Variants in DGKB observed in about 807,000 individuals in gnomAD.
The protein encoded by DGKB is 90 kDa diacylglycerol kinase.
In DGKB, 67 loss-of-function variants were observed where a neutral mutation model predicts 114.3. The ratio of observed to expected loss-of-function variants is 0.59; its 90% CI spans 0.48 to 0.72. The LOEUF is 0.72. Ranked by LOEUF, DGKB falls within the 30% of genes least tolerant of loss-of-function variation. The pLI, the probability that DGKB is intolerant of heterozygous loss-of-function variation, is 0.00. For synonymous variants in DGKB, 398 were observed against 323.1 expected, an observed-to-expected ratio of 1.23 and a Z score of -2.49; for missense variants, 907 against 975.2, an observed-to-expected ratio of 0.93 and a Z score of 0.93.
chr7:14,933,680 G>T (rs1478964260), intron 1 of DGKB, among the ~76,000 whole-genome samples: 1 of 151,942 alleles, frequency 6.6e-6, no homozygotes, highest in African/African-American at 2.4e-5. Flanking sequence ...AGCAACTAAG[G>T]TCTTATTAAT....
At chr7:14,602,622 G>C (rs1488282737) in intron 17 of DGKB, among the ~76,000 whole-genome samples, 1 of 152,114 alleles carries the variant, frequency 6.6e-6, no homozygotes, top group Non-Finnish European at 1.5e-5. Context: ...CTCTCCAGAG[G>C]ATACAGCAAG....
intron 21 of DGKB, among the ~76,000 whole-genome samples, chr7:14,375,867 CA>C (rs1465371445): frequency 6.6e-6 from 1 of 152,166 alleles, no homozygotes; most frequent in Non-Finnish European, 1.5e-5. Flanking sequence ...GTGAGTTCAC[CA>C]TAAACATTTG....
chr7:14,594,891 A>T (rs565574953), intron 17 of DGKB, among the ~76,000 whole-genome samples: 4 of 152,246 alleles, frequency 2.6e-5, no homozygotes, highest in African/African-American at 9.6e-5. Flanking sequence ...CTATCCACTT[A>T]TTTAATTTAA....
chr7:14,833,954 T>A (rs148717790), intron 2 of DGKB, among the ~76,000 whole-genome samples: 367 of 152,302 alleles, frequency 2.4e-3, no homozygotes, highest in Non-Finnish European at 3.9e-3. Context: ...CATTGCTTTG[T>A]CATCATTTGC....
chr7:14,161,484 TA>T (rs1461343986), intron 25 of DGKB, among the ~76,000 whole-genome samples: 1 of 151,556 alleles, frequency 6.6e-6, no homozygotes, highest in Middle Eastern at 3.2e-3. Context: ...TATGCAGCCA[TA>T]AAAAAGGATG....
At position 14,738,351 on chromosome 7, in the gene DGKB, T is replaced by A. The variant is rs144339175; in HGVS notation, c.169-2157A>T. On this transcript the variant is annotated intron_variant, in intron 4 of 25. Transcript: ENST00000402815. ...CTTCCTTCTGTTCCTAGGTCTTCCA[T>A]AATCAGTATTTTGTTTAGCAACATA... is the stretch of plus-strand genomic sequence containing the variant. Among the ~76,000 whole-genome samples the A allele has an allele frequency of 3.7e-3, 557 of 152,324 alleles. 5 individuals carry two copies. The highest frequency in any genetic ancestry group is 0.013 in the African/African-American group (547 of 41,582).
chr7:14,748,303 T>C (rs1833650012), intron 4 of DGKB, among the ~76,000 whole-genome samples: 1 of 152,138 alleles, frequency 6.6e-6, no homozygotes, highest in Admixed American at 6.5e-5. Context: ...TATTAAATGC[T>C]ATAGAAAAAA....
rs7786885 is a variant in DGKB, at chr7:14,973,527, G to C, written c.-188+1169C>G. ...TGTTTTGTTTGTTTTTTGTTTTTTT[G>C]TTTTTTTTTTCTTTTTTTTTTCTTT... On this transcript the variant is annotated intron_variant, in intron 1 of 4. Transcript: ENST00000437998. 7.9e-3 allele frequency among the ~76,000 whole-genome samples: 1,084 copies of C among 137,308 alleles called. 15 individuals are homozygous for C. Among genetic ancestry groups the C allele is most frequent in the African/African-American group, 0.027 (1,015 of 37,304 alleles). 90.1% of individuals were successfully genotyped at this position (137,308 alleles called of 152,430 possible).
chr7:14,750,481 A>T (rs927061759), intron 4 of DGKB, among the ~76,000 whole-genome samples: 15 of 152,066 alleles, frequency 9.9e-5, no homozygotes, highest in Non-Finnish European at 2.1e-4. Flanking sequence ...TATACCTGAA[A>T]TGTGTTCAAA....
Position 14,797,796 on chromosome 7 carries a change from G to A in DGKB, c.71-40065C>T, listed in dbSNP as rs77382375. ...CATTGTTTGGTGAGTGGGAGGGAGTGGTGCTCAGTGGCTCCTTCTCCTGTT... is the reference window on the plus strand; with the variant it reads ...CATTGTTTGGTGAGTGGGAGGGAGTAGTGCTCAGTGGCTCCTTCTCCTGTT... On this transcript the variant is annotated intron_variant, in intron 2 of 25. Coordinates refer to ENST00000402815, the MANE Select transcript of DGKB (RefSeq NM_001350709.2). Among the ~76,000 whole-genome samples, 955 of 152,172 alleles carry A rather than the reference G, an allele frequency of 6.3e-3. 3 individuals carry two copies. Among genetic ancestry groups the A allele is most frequent in the African/African-American group, 0.022 (915 of 41,520 alleles).
intron 1 of DGKB, among the ~76,000 whole-genome samples, chr7:14,942,747 C>G (rs1402834274): frequency 6.6e-6 from 1 of 152,004 alleles, no homozygotes; most frequent in African/African-American, 2.4e-5. Flanking sequence ...TTGCATGACT[C>G]AATTCCTTAT....
chr7:14,947,414 T>C (rs1435610957), intron 1 of DGKB, among the ~76,000 whole-genome samples: 1 of 151,800 alleles, frequency 6.6e-6, no homozygotes, highest in Non-Finnish European at 1.5e-5. Flanking sequence ...AAACTTTTAC[T>C]TTAAAAGATT....
At chr7:14,208,392 G>T (rs1308622214) in intron 23 of DGKB, among the ~76,000 whole-genome samples, 1 of 151,988 alleles carries the variant, frequency 6.6e-6, no homozygotes, top group Non-Finnish European at 1.5e-5. Flanking sequence ...ACCAGTCTAG[G>T]ATAAAGAAGT....
At chr7:14,630,289 A>T in intron 13 of DGKB, 21 bp from the exon 14 acceptor site, 1 of 1,544,884 alleles carries the variant, frequency 6.5e-7, no homozygotes, top group South Asian at 1.2e-5. Flanking sequence ...AGAGAAGTTC[A>T]TATGAAAGCT....
At chr7:14,845,431 T>C (rs767963950) in intron 1 of DGKB, among the ~76,000 whole-genome samples, 2 of 152,352 alleles carry the variant, frequency 1.3e-5, no homozygotes, top group Non-Finnish European at 2.9e-5. Flanking sequence ...TTTTGAGCCC[T>C]GATGGAATTT....
At chr7:14,823,475 A>AT (rs1044243928) in intron 2 of DGKB, among the ~76,000 whole-genome samples, 13 of 152,062 alleles carry the variant, frequency 8.5e-5, no homozygotes, top group Non-Finnish European at 1.6e-4. Context: ...AGAATTTCAG[A>AT]TTTTTTTTGC....
intron 21 of DGKB, among the ~76,000 whole-genome samples, chr7:14,362,759 T>C (rs1815982205): frequency 6.6e-6 from 1 of 152,118 alleles, no homozygotes; most frequent in Admixed American, 6.6e-5. Flanking sequence ...TTGTATTGTA[T>C]TACATGCATA....
At chr7:14,463,669 T>C (rs1833414311) in intron 21 of DGKB, among the ~76,000 whole-genome samples, 1 of 152,170 alleles carries the variant, frequency 6.6e-6, no homozygotes, top group Non-Finnish European at 1.5e-5. Context: ...TAGCCTTGCA[T>C]CAAATGAGTA....
chr7:14,731,832 C>A (rs1452039550), intron 5 of DGKB, among the ~76,000 whole-genome samples: 1 of 152,098 alleles, frequency 6.6e-6, no homozygotes, highest in African/African-American at 2.4e-5. Context: ...AGATTAGAGA[C>A]CTGACATTTG....
Sources: gnomAD v4.1 joint callset for allele counts (sites outside exome capture counted in the v4.1 genomes callset) on GRCh38, gnomAD v4.1.1 for gene constraint, MANE v1.5 for transcripts, NCBI Gene and HGNC (gene_info 2026-07-23, HGNC 2026-07-21) for gene names.